The following EPHX4 variants were observed in gnomAD, a reference collection of about 807,000 sequenced individuals.
EPHX4 encodes epoxide hydrolase 4, also known as abhydrolase domain containing 7.
EPHX4 carries 31 observed loss-of-function variants against 44.9 expected under a neutral mutation model. The observed-to-expected ratio is 0.69, with a 90% CI of 0.52 to 0.93. EPHX4 has a LOEUF of 0.93. Ranked by LOEUF, EPHX4 falls within the 40% of genes least tolerant of loss-of-function variation. The pLI, the probability that EPHX4 is intolerant of heterozygous loss-of-function variation, is 0.00. For synonymous variants in EPHX4, 151 were observed against 159.7 expected, an observed-to-expected ratio of 0.95 and a Z score of 0.41; for missense variants, 373 against 438.1, an observed-to-expected ratio of 0.85 and a Z score of 1.33.
chr1:92,061,637 C>G (rs1647500958), intron 6 of EPHX4, among the ~76,000 whole-genome samples: 1 of 152,090 alleles, frequency 6.6e-6, no homozygotes, highest in East Asian at 1.9e-4. Context: ...TACCACAAAA[C>G]CTAAATATTC....
intron 5 of EPHX4, among the ~76,000 whole-genome samples, chr1:92,050,750 CA>C (rs1218336418): frequency 6.6e-6 from 1 of 151,478 alleles, no homozygotes; most frequent in Admixed American, 6.6e-5. Flanking sequence ...AAGCCCTAAA[CA>C]AAGTAAACAT....
At chr1:92,040,758 G>A (rs1034904934) in intron 2 of EPHX4, among the ~76,000 whole-genome samples, 6 of 152,132 alleles carry the variant, frequency 3.9e-5, no homozygotes, top group Non-Finnish European at 8.8e-5. Flanking sequence ...ACCGCACCTG[G>A]CCTGTTTGTT....
chr1:92,048,059 G>A (rs761527233), intron 4 of EPHX4, among the ~76,000 whole-genome samples: 2 of 152,040 alleles, frequency 1.3e-5, no homozygotes, highest in Non-Finnish European at 2.9e-5. Flanking sequence ...CCCACAGCAG[G>A]ACTCTAGGAA....
chr1:92,054,587 CAAAAAA>C (rs745316500), intron 6 of EPHX4, among the ~76,000 whole-genome samples: 1 of 54,668 alleles, frequency 1.8e-5, no homozygotes, highest in African/African-American at 5.9e-5. Context: ...GACTCCATCT[CAAAAAA>C]AAAAAAAAAA....
intron 6 of EPHX4, among the ~76,000 whole-genome samples, chr1:92,059,065 C>T (rs565003486): frequency 6.6e-6 from 1 of 152,268 alleles, no homozygotes; most frequent in African/African-American, 2.4e-5. Flanking sequence ...AAGGGAACTT[C>T]GTCTACCAAA....
chr1:92,038,424 C>T (rs1688469630), intron 2 of EPHX4, among the ~76,000 whole-genome samples: 1 of 152,184 alleles, frequency 6.6e-6, no homozygotes, highest in South Asian at 2.1e-4. Context: ...ACAACTGGTA[C>T]TTCTAGCACT....
intron 2 of EPHX4, among the ~76,000 whole-genome samples, chr1:92,036,337 A>G (rs1275582886): frequency 1.3e-5 from 2 of 152,204 alleles, no homozygotes; most frequent in Non-Finnish European, 2.9e-5. Flanking sequence ...TGTTTTTCAC[A>G]GTCATGTCTC....
In EPHX4 at chr1:92,042,903, C is replaced by T. The variant is rs1688530096; in HGVS notation, c.398C>T (p.Thr133Ile). 1.2e-6 allele frequency: 2 copies of T among 1,612,984 alleles called. No individual in the cohort carries two copies. Among genetic ancestry groups the T allele is most frequent in the Non-Finnish European group, 1.7e-6 (2 of 1,179,282 alleles). ...CTGGATTTGAGAGGTTATGGAGAAA[C>T]AGATGCTCCCATTCATCGACAGAAT... ...VALDLRGYGE[T>I]DAPIHRQNYK... Residue 133 changes from threonine (T) to isoleucine (I), a missense_variant, in exon 3 of 7, where the codon ACA (threonine) becomes ATA (isoleucine). Thr to Ile is a moderately conservative substitution (Grantham distance 89, BLOSUM62 -1). Coordinates refer to ENST00000370383, the MANE Select transcript of EPHX4 (RefSeq NM_173567.5).
chr1:92,030,939 C>A (rs1465431762), intron 1 of EPHX4, among the ~76,000 whole-genome samples: 1 of 152,150 alleles, frequency 6.6e-6, no homozygotes, highest in Non-Finnish European at 1.5e-5. Context: ...TGCCTGCAGA[C>A]GCTAATTGTT....
chr1:92,054,625 G>A (rs79466352), intron 6 of EPHX4, among the ~76,000 whole-genome samples: 6,167 of 147,528 alleles, frequency 0.042, 154 homozygotes, highest in African/African-American at 0.07. Flanking sequence ...ACCATTAATA[G>A]CAGTCAGAAT....
At position 92,043,179 on chromosome 1, in the gene EPHX4, C is replaced by A; in HGVS notation, c.475+199C>A. On this transcript the variant is annotated intron_variant, in intron 3 of 6. Transcript: ENST00000370383. ...GATGCATCTAGAGCAACTATTCTGT[C>A]TACCAGCCAAGAATGACTTTTCAGA... 1.6e-5 allele frequency: 7 copies of A among 443,292 alleles called. No homozygotes were observed. In the South Asian group the frequency reaches 2.7e-4, roughly 17 times the overall value. 27.5% of individuals were successfully genotyped at this position (443,292 alleles called of 1,614,324 possible).
chr1:92,055,843 CCTTT>C (rs1385155569), intron 6 of EPHX4, among the ~76,000 whole-genome samples: 1 of 152,034 alleles, frequency 6.6e-6, no homozygotes, highest in Non-Finnish European at 1.5e-5. Context: ...TATCGCACTT[CCTTT>C]GAGTTGTAGA....
intron 2 of EPHX4, among the ~76,000 whole-genome samples, chr1:92,037,028 CTT>C (rs754216595): frequency 6.6e-6 from 1 of 152,060 alleles, no homozygotes; most frequent in African/African-American, 2.4e-5. Context: ...AGACAAAACT[CTT>C]TTTTATTTTT....
At chr1:92,062,508 C>T (rs951691093) in intron 6 of EPHX4, among the ~76,000 whole-genome samples, 10 of 150,042 alleles carry the variant, frequency 6.7e-5, no homozygotes, top group African/African-American at 9.8e-5. Context: ...TCATTTGAAC[C>T]CGGAGGGTGG....
chr1:92,034,299 C>CAAA (rs765695521), intron 2 of EPHX4, among the ~76,000 whole-genome samples: 9 of 52,692 alleles, frequency 1.7e-4, no homozygotes, highest in East Asian at 8.3e-4. Flanking sequence ...GATTCCGTCT[C>CAAA]AAAAAAAAAA....
rs1387866394 is a variant in EPHX4, at chr1:92,034,232, G to A, written c.317+1642G>A. Among the ~76,000 whole-genome samples, 12 of 149,182 alleles carry A rather than the reference G, an allele frequency of 8.0e-5. 1 individual carries two copies. In the South Asian group the frequency reaches 2.2e-3, roughly 27 times the overall value. On this transcript the variant is annotated intron_variant, in intron 2 of 6. Transcript: ENST00000370383. The stretch of plus-strand genomic sequence containing the variant: ...GGAGAATGGTGTGAACCCAGGAGGC[G>A]GAGCTTGCAGTGAGCCGAGCTCGTG...
At chr1:92,041,362 T>C (rs1163832560) in intron 2 of EPHX4, among the ~76,000 whole-genome samples, 1 of 152,254 alleles carries the variant, frequency 6.6e-6, no homozygotes, top group African/African-American at 2.4e-5. Context: ...ATTTCAGTGA[T>C]AATCTTTTTT....
chr1:92,036,098 A>C (rs1036822726), intron 2 of EPHX4, among the ~76,000 whole-genome samples: 1 of 152,248 alleles, frequency 6.6e-6, no homozygotes, highest in African/African-American at 2.4e-5. Flanking sequence ...ATCATCCTAA[A>C]TAAAATTCAT....
intron 4 of EPHX4, among the ~76,000 whole-genome samples, chr1:92,047,897 A>G (rs538915390): frequency 6.6e-6 from 1 of 152,294 alleles, no homozygotes; most frequent in African/African-American, 2.4e-5. Context: ...TACTTTGAGA[A>G]CCTCCACTTT....
Sources: allele counts gnomAD v4.1 joint callset (sites outside exome capture counted in the v4.1 genomes callset), GRCh38; gene constraint gnomAD v4.1.1; transcripts MANE v1.5; gene names NCBI Gene and HGNC (gene_info 2026-07-23, HGNC 2026-07-21).